GSPT1: variants seen among roughly 807,000 people sequenced by gnomAD.
GSPT1 encodes the protein G1 to S phase transition 1.
GSPT1 carries 20 observed loss-of-function variants against 72.5 expected under a neutral mutation model. The ratio of observed to expected loss-of-function variants is 0.28; its 90% CI spans 0.19 to 0.40. The LOEUF is 0.40. Among genes scored for constraint, GSPT1 ranks in the 10% least tolerant of loss-of-function variants. The pLI, the probability that GSPT1 is intolerant of heterozygous loss-of-function variation, is 1.00. For synonymous variants in GSPT1, 334 were observed against 293.5 expected (o/e 1.14, Z -1.41); for missense variants, 580 against 811.9 (o/e 0.71, Z 3.47).
chr16:11,888,883 A>C (rs2054218241), intron 6 of GSPT1, among the ~76,000 whole-genome samples: 1 of 152,242 alleles, frequency 6.6e-6, no homozygotes, highest in Non-Finnish European at 1.5e-5. Context: ...GACTACACAG[A>C]AAGACTAACT....
chr16:11,904,538 A>C (rs566924797), intron 1 of GSPT1, among the ~76,000 whole-genome samples: 10 of 152,162 alleles, frequency 6.6e-5, no homozygotes, highest in African/African-American at 2.4e-4. Flanking sequence ...CAATTTTTTA[A>C]AAGAGTGTAC....
rs1452136460 is a variant in GSPT1 at position 11,869,931 on chromosome 16, T to C, written c.*3188A>G. ...TCTAACCCAAAATATTCGCAGCGTA[T>C]CAGCTGAGAGGATGCCGGCAACTGT... On this transcript the variant is annotated 3_prime_UTR_variant, in exon 15 of 15. Transcript: ENST00000434724. 2 of 152,164 alleles carry C rather than the reference T, an allele frequency of 1.3e-5. No individual in the cohort carries two copies. Among genetic ancestry groups the C allele is most frequent in the Non-Finnish European group, 2.9e-5 (2 of 68,028 alleles). The allele number at this position is 152,164 out of a possible 1,614,324, so 9.4% of individuals were successfully genotyped here.
At chr16:11,915,301 G>C (rs573874431) in intron 1 of GSPT1, 68 bp downstream of exon 1, 1 of 1,350,252 alleles carries the variant, frequency 7.4e-7, no homozygotes, top group African/African-American at 1.6e-5. Flanking sequence ...CGCGCCCCCG[G>C]ACCGCACCCC....
chr16:11,896,420 TA>T, intron 4 of GSPT1, 137 bp downstream of exon 4: 26 of 642,388 alleles, frequency 4.0e-5, no homozygotes, highest in Middle Eastern at 4.3e-4. Flanking sequence ...TTTTGCCAGC[TA>T]AAAAAAATCA....
At chr16:11,906,336 T>G (rs981823846) in intron 1 of GSPT1, among the ~76,000 whole-genome samples, 1 of 152,032 alleles carries the variant, frequency 6.6e-6, no homozygotes, top group Non-Finnish European at 1.5e-5. Context: ...AACACTACAC[T>G]CAGGAGATGT....
intron 11 of GSPT1, among the ~76,000 whole-genome samples, chr16:11,879,827 T>C (rs1356317379): frequency 1.3e-5 from 2 of 151,988 alleles, no homozygotes; most frequent in African/African-American, 4.8e-5. Flanking sequence ...AAATAACCAA[T>C]TTTTAATTTA....
intron 1 of GSPT1, among the ~76,000 whole-genome samples, chr16:11,904,306 G>A (rs111231783): frequency 0.012 from 1,802 of 152,194 alleles, 36 homozygotes; most frequent in African/African-American, 0.041. Flanking sequence ...GGGTTCAAGC[G>A]ATTCCCCTGC....
intron 1 of GSPT1, among the ~76,000 whole-genome samples, chr16:11,911,192 T>G (rs2054552654): frequency 6.6e-6 from 1 of 152,202 alleles, no homozygotes; most frequent in Non-Finnish European, 1.5e-5. Flanking sequence ...GAATTTAACA[T>G]ATTAATAAAG....
At chr16:11,915,161 C>T in intron 1 of GSPT1, 1 of 1,031,088 alleles carries the variant, frequency 9.7e-7, no homozygotes, top group Non-Finnish European at 1.2e-6. Context: ...GCGCGCTGCC[C>T]GCTGTCCGCT....
At chr16:11,874,822 A>G (rs1049486466) in intron 14 of GSPT1, among the ~76,000 whole-genome samples, 3 of 152,218 alleles carry the variant, frequency 2.0e-5, no homozygotes, top group African/African-American at 7.2e-5. Context: ...TGAAATGACT[A>G]TTCTGTATTT....
chr16:11,885,113 C>G, intron 10 of GSPT1, 68 bp downstream of exon 10: 1 of 764,862 alleles, frequency 1.3e-6, no homozygotes, highest in East Asian at 2.5e-5. Flanking sequence ...GTTTTCAAAA[C>G]TAGAAACAAA....
intron 1 of GSPT1, chr16:11,915,094 C>T (rs955340563): frequency 5.4e-6 from 7 of 1,289,478 alleles, no homozygotes; most frequent in African/African-American, 3.0e-5. Flanking sequence ...TGGGTAACTG[C>T]GGACTCCAGA....
At position 11,884,106 on chromosome 16, in the gene GSPT1, C is replaced by T. The variant is rs367564922; in HGVS notation, c.1348-1011G>A. ...TGTATTTGAGGAGGGGAAAACATTA[C>T]ATACATTGATACCGCAAAACTTAAA... On this transcript the variant is annotated intron_variant, in intron 10 of 14. Transcript: ENST00000434724. 7.9e-5 allele frequency among the ~76,000 whole-genome samples: 12 copies of T among 152,218 alleles called. No individual in the cohort carries two copies. The South Asian group carries it at 2.5e-3, about 32-fold the overall frequency.
rs796671004 is a variant in GSPT1 at position 11,872,456 on chromosome 16, G to A, written c.*663C>T. ...CACATTTGCATAAAGGGATTTAACT[G>A]CATGTATGCATTAACCATCAAAAGA... On this transcript the variant is annotated 3_prime_UTR_variant, in exon 15 of 15. Transcript: ENST00000434724. The A allele has an allele frequency of 1.7e-4, 26 of 151,818 alleles. No individual in the cohort carries two copies. Among genetic ancestry groups the A allele is most frequent in the African/African-American group, 6.0e-4 (25 of 41,416 alleles). The allele number at this position is 151,818 out of a possible 1,614,324, so 9.4% of individuals were successfully genotyped here.
chr16:11,898,647 C>T (rs1220585880), intron 1 of GSPT1, among the ~76,000 whole-genome samples: 4 of 152,082 alleles, frequency 2.6e-5, no homozygotes, highest in Middle Eastern at 3.4e-3. Flanking sequence ...GATGGGGTTT[C>T]GCCACGTTGG....
At chr16:11,898,259 T>A (rs2054364333) in intron 1 of GSPT1, among the ~76,000 whole-genome samples, 1 of 152,184 alleles carries the variant, frequency 6.6e-6, no homozygotes, top group South Asian at 2.1e-4. Flanking sequence ...TTTCAGTAGT[T>A]TCAATGTATT....
chr16:11,906,961 C>G (rs1238613028), intron 1 of GSPT1, among the ~76,000 whole-genome samples: 1 of 152,074 alleles, frequency 6.6e-6, no homozygotes, highest in Non-Finnish European at 1.5e-5. Flanking sequence ...TAAAAGCAAA[C>G]ACCAGAAAGA....
In GSPT1 at chr16:11,871,232, G is replaced by C. The variant is rs896657238; in HGVS notation, c.*1887C>G. The C allele has an allele frequency of 2.0e-5, 3 of 152,166 alleles. No homozygotes were observed. The highest frequency in any genetic ancestry group is 4.4e-5 in the Non-Finnish European group (3 of 68,034). 9.4% of individuals were successfully genotyped at this position (152,166 alleles called of 1,614,324 possible). A position where few individuals can be genotyped will look rare whatever the true frequency, so the allele number is the denominator to read the frequency against. On this transcript the variant is annotated 3_prime_UTR_variant, in exon 15 of 15. Coordinates refer to ENST00000434724, the MANE Select transcript of GSPT1 (RefSeq NM_002094.4). ...GACAATAACTTTGCTCTGTCCATAA[G>C]ATGTAGCCTCATTCAAGAAATGAAT...
intron 3 of GSPT1, 55 bp from the exon 4 acceptor site, chr16:11,896,840 T>A: frequency 1.8e-6 from 2 of 1,098,068 alleles, no homozygotes; most frequent in Non-Finnish European, 1.3e-6. Context: ...ATCTATACTT[T>A]AAAATACACT....
Sources: gnomAD v4.1 joint callset for allele counts (sites outside exome capture counted in the v4.1 genomes callset) on GRCh38, gnomAD v4.1.1 for gene constraint, MANE v1.5 for transcripts, NCBI Gene and HGNC (gene_info 2026-07-23, HGNC 2026-07-21) for gene names.